DENND4C: variants seen among roughly 807,000 people sequenced by gnomAD.
DENND4C encodes the protein DENN domain containing 4C, also known as DENN domain-containing protein 4C.
DENND4C carries 108 observed loss-of-function variants against 203.0 expected under a neutral mutation model. The ratio of observed to expected loss-of-function variants is 0.53; its 90% confidence interval spans 0.46 to 0.62. The LOEUF (loss-of-function observed/expected upper bound fraction) is 0.62, where lower values mean the gene tolerates loss of function less well. Among genes scored for constraint, DENND4C ranks in the 20% least tolerant of loss-of-function variants. The pLI, the probability that DENND4C is intolerant of heterozygous loss-of-function variation, is 0.00. For synonymous variants in DENND4C, 871 were observed against 792.4 expected (o/e 1.10, Z -1.67); for missense variants, 2,481 against 2,301.2 (o/e 1.08, Z -1.60).
At chr9:19,365,988 G>A (rs1827575507) in intron 30 of DENND4C, among the ~76,000 whole-genome samples, 7 of 152,274 alleles carry the variant, frequency 4.6e-5, no homozygotes, top group Middle Eastern at 3.4e-3. Flanking sequence ...TAAGATGGAA[G>A]TAGTCCTAAA....
rs571673761 is a variant in DENND4C at position 19,358,281 on chromosome 9, A to G, written c.5160+121A>G. The G allele has an allele frequency of 3.3e-5, 26 of 793,690 alleles. No individual in the cohort carries two copies. In the East Asian group the frequency reaches 4.2e-4, roughly 13 times the overall value. 49.2% of individuals were successfully genotyped at this position (793,690 alleles called of 1,614,324 possible). On this transcript the variant is annotated intron_variant, in intron 28 of 32. Transcript: ENST00000434457. This position sits in a 1 kb window ranked among gnomAD's most constrained non-coding sequence, Gnocchi z 4.8. ...ACATGAAAAGTGATAGAGTTTTTCCATAAACAAATAACTTTTTATTGTGGA... is the reference window on the plus strand; with the variant it reads ...ACATGAAAAGTGATAGAGTTTTTCCGTAAACAAATAACTTTTTATTGTGGA...
chr9:19,262,644 C>G (rs557789623), intron 1 of DENND4C, among the ~76,000 whole-genome samples: 23 of 152,168 alleles, frequency 1.5e-4, no homozygotes, highest in Admixed American at 1.3e-3. Flanking sequence ...ATCGGCCAGA[C>G]TGGTCTTTAA....
chr9:19,273,611 G>A (rs1464457120), intron 1 of DENND4C, among the ~76,000 whole-genome samples: 3 of 151,816 alleles, frequency 2.0e-5, no homozygotes, highest in Non-Finnish European at 4.4e-5. Flanking sequence ...AAAAAAAATG[G>A]ACAAAAGATT....
chr9:19,244,102 C>G (rs1311455568), intron 1 of DENND4C, among the ~76,000 whole-genome samples: 1 of 152,120 alleles, frequency 6.6e-6, no homozygotes, highest in Non-Finnish European at 1.5e-5. Flanking sequence ...GCAATCTCGG[C>G]TCACTGCCGC....
chr9:19,278,483 C>T (rs1833363040), intron 2 of DENND4C, among the ~76,000 whole-genome samples: 1 of 152,072 alleles, frequency 6.6e-6, no homozygotes, highest in Non-Finnish European at 1.5e-5. Flanking sequence ...ATTTGACCAC[C>T]ACTTGTTACG....
intron 2 of DENND4C, among the ~76,000 whole-genome samples, chr9:19,285,355 G>A (rs1232395937): frequency 6.6e-6 from 1 of 151,998 alleles, no homozygotes; most frequent in Non-Finnish European, 1.5e-5. Flanking sequence ...ACAATTCAAT[G>A]GTTTTTAGTA....
intron 2 of DENND4C, among the ~76,000 whole-genome samples, chr9:19,284,619 C>G (rs1440842651): frequency 2.6e-5 from 4 of 152,016 alleles, no homozygotes; most frequent in African/African-American, 9.7e-5. Context: ...AGTATGTGGT[C>G]TGACATATTT....
rs766737164 is a variant in DENND4C, at chr9:19,360,358, C to T, written c.5275C>T (p.His1759Tyr). The T allele has an allele frequency of 1.9e-6, 3 of 1,614,072 alleles. No homozygotes were observed. The highest frequency in any genetic ancestry group is 2.5e-6 in the Non-Finnish European group (3 of 1,180,006). ...LLENEGDQVI[H>Y]TSSFINQHPI... ...AGAAAATGAAGGTGATCAGGTGATT[C>T]ATACATCTTCTTTCATCAATCAACA... The change falls in exon 29 of 33, where the codon CAT (histidine) becomes TAT (tyrosine). Residue 1759 changes from histidine (H) to tyrosine (Y), a missense_variant. This residue lies in a region of DENND4C where 2,289 missense variants were observed against 2,113.3 expected (regional missense o/e 1.08). Transcript: ENST00000434457.
intron 26 of DENND4C, among the ~76,000 whole-genome samples, chr9:19,353,040 A>G (rs1454346931): frequency 6.6e-6 from 1 of 152,136 alleles, no homozygotes; most frequent in Non-Finnish European, 1.5e-5. Context: ...GAAGGCTGAC[A>G]TAGGAGGATC....
chr9:19,279,202 G>T (rs537640229), intron 2 of DENND4C, among the ~76,000 whole-genome samples: 1 of 132,670 alleles, frequency 7.5e-6, no homozygotes. Flanking sequence ...GGCAGTGTGC[G>T]CCTGTAGTCC....
At chr9:19,357,685 G>A (rs1563838928) in intron 27 of DENND4C, 1 of 289,914 alleles carries the variant, frequency 3.4e-6, no homozygotes, top group Non-Finnish European at 6.4e-6. Flanking sequence ...AATAATATTT[G>A]AGTAAAGCAA....
At chr9:19,336,034 G>GT (rs936396192) in intron 18 of DENND4C, among the ~76,000 whole-genome samples, 18 of 151,006 alleles carry the variant, frequency 1.2e-4, no homozygotes, top group Admixed American at 5.9e-4. Context: ...AACATCTTTT[G>GT]TTTTTTTTGA....
Position 19,233,152 on chromosome 9 carries a change from G to GT in DENND4C, c.-18+2326dup, listed in dbSNP as rs1199644669. ...GAGTCAGTGGCAGGTTGTTTCATTT[G>GT]TTTTTTTGATTTGCAAAACGGAATT... On this transcript the variant is annotated intron_variant, in intron 1 of 32. Transcript: ENST00000434457. 2.0e-5 allele frequency among the ~76,000 whole-genome samples: 3 copies of GT among 152,120 alleles called. No individual in the cohort carries two copies. In the South Asian group the frequency reaches 6.2e-4, roughly 32 times the overall value.
chr9:19,311,377 C>T (rs140045108), intron 10 of DENND4C, among the ~76,000 whole-genome samples: 2,174 of 152,272 alleles, frequency 0.014, 48 homozygotes, highest in African/African-American at 0.05. Context: ...CCGCCCACCT[C>T]GGCCTCCTAA....
rs146128678 is a variant in DENND4C at position 19,316,502 on chromosome 9, C to T, written c.1573C>T (p.Pro525Ser). The stretch of plus-strand genomic sequence containing the variant: ...ACTTAGCACCTTAAAGAAATTGTAT[C>T]CCCAGCTGTCTTCAGGTAATGTGAG... ...NLLSTLKKLY[P>S]QLSSVHQKTQ... Residue 525 changes from proline to serine, a missense_variant, in exon 11 of 33, where the codon CCC becomes TCC. Around this residue, in one of 3 missense-constraint regions of DENND4C, gnomAD observed 2,289 missense variants for 2,113.3 expected, o/e 1.08. Coordinates refer to ENST00000434457, the MANE Select transcript of DENND4C (RefSeq NM_001330640.2). The T allele has an allele frequency of 5.6e-6, 9 of 1,613,026 alleles. No homozygotes were observed. The highest frequency in any genetic ancestry group is 2.7e-5 in the African/African-American group (2 of 74,856).
chr9:19,253,286 C>T (rs1187431356), intron 1 of DENND4C, among the ~76,000 whole-genome samples: 1 of 152,214 alleles, frequency 6.6e-6, no homozygotes, highest in East Asian at 1.9e-4. Flanking sequence ...GTAGTGGCAG[C>T]CTGCATTCTC....
At chr9:19,265,017 A>T (rs531247404) in intron 1 of DENND4C, among the ~76,000 whole-genome samples, 3 of 151,906 alleles carry the variant, frequency 2.0e-5, no homozygotes, top group East Asian at 1.9e-4. Flanking sequence ...AAATTTTAAA[A>T]TTTTCTTTCT....
In DENND4C at chr9:19,296,042, A is replaced by C. The variant is rs749275954; in HGVS notation, c.836A>C (p.Tyr279Ser). 1.2e-6 allele frequency: 2 copies of C among 1,614,020 alleles called. No homozygotes were observed. The highest frequency in any genetic ancestry group is 2.2e-5 in the South Asian group (2 of 91,084). ...YGAAIQFYEP[Y>S]SRELLSEKQL... ...GCTGCCATTCAGTTTTATGAACCTT[A>C]CTCTCGGGAACTTCTATCAGAGAAA... Residue 279 changes from tyrosine to serine, a missense_variant, in exon 6 of 33, where the codon TAC becomes TCC. This residue lies in a region of DENND4C where 2,289 missense variants were observed against 2,113.3 expected (regional missense o/e 1.08). Transcript: ENST00000434457.
intron 1 of DENND4C, among the ~76,000 whole-genome samples, chr9:19,263,262 A>G (rs1829786286): frequency 6.6e-6 from 1 of 152,222 alleles, no homozygotes; most frequent in Admixed American, 6.5e-5. Flanking sequence ...ATTTGGAACT[A>G]TCCTTGTCTC....
Sources: allele counts gnomAD v4.1 joint callset (sites outside exome capture counted in the v4.1 genomes callset), GRCh38; gene constraint gnomAD v4.1.1; regional missense constraint gnomAD v4.1.1; non-coding constraint Gnocchi (gnomAD v3.1); transcripts MANE v1.5; gene names NCBI Gene and HGNC (gene_info 2026-07-23, HGNC 2026-07-21).